The following PRKAR1A variants were observed in gnomAD, a reference collection of about 807,000 sequenced individuals.
PRKAR1A encodes the protein protein kinase cAMP-dependent type I regulatory subunit alpha, also known as cAMP-dependent protein kinase type I-alpha regulatory subunit.
PRKAR1A carries 3 observed loss-of-function variants against 52.0 expected under a neutral mutation model. That is an observed-to-expected ratio of 0.06 (90% CI 0.03 to 0.15). The LOEUF (loss-of-function observed/expected upper bound fraction) is 0.15. Among genes scored for constraint, PRKAR1A ranks in the 10% least tolerant of loss-of-function variants. PRKAR1A has a pLI of 1.00. For synonymous variants in PRKAR1A, 188 were observed against 168.4 expected (o/e 1.12, Z -0.90); for missense variants, 240 against 477.4 (o/e 0.50, Z 4.63).
the PRKAR1A span, among the ~76,000 whole-genome samples, chr17:68,478,568 C>A: frequency 1.3e-5 from 2 of 152,100 alleles, no homozygotes; most frequent in East Asian, 1.9e-4. Context: ...GTTTGTATTG[C>A]GATCTGATTA....
chr17:68,513,001 A>C (rs986650074), intron 1 of PRKAR1A: 3 of 152,274 alleles, frequency 2.0e-5, no homozygotes, highest in Non-Finnish European at 2.9e-5. Context: ...TCCACTTTTG[A>C]CGACTCGTCA....
the PRKAR1A span, among the ~76,000 whole-genome samples, chr17:68,490,447 C>T: frequency 6.6e-6 from 1 of 152,190 alleles, no homozygotes; most frequent in African/African-American, 2.4e-5. Flanking sequence ...TTTCTTAGCC[C>T]TGTCCTCCTA....
chr17:68,462,072 CA>C, the PRKAR1A span, among the ~76,000 whole-genome samples: 1 of 152,140 alleles, frequency 6.6e-6, no homozygotes, highest in Non-Finnish European at 1.5e-5. Flanking sequence ...AGACAGGGAG[CA>C]AAAACTAACA....
chr17:68,427,811 G>A, the PRKAR1A span, among the ~76,000 whole-genome samples: 1 of 152,178 alleles, frequency 6.6e-6, no homozygotes, highest in Non-Finnish European at 1.5e-5. Flanking sequence ...GGTGGGGGGC[G>A]GTGGCAGCTC....
At chr17:68,519,003 AC>A (rs1387598569) in intron 2 of PRKAR1A, among the ~76,000 whole-genome samples, 1 of 152,078 alleles carries the variant, frequency 6.6e-6, no homozygotes, top group Non-Finnish European at 1.5e-5. Context: ...TCCATCTGAG[AC>A]CACCTTAGCC....
chr17:68,473,814 T>A, the PRKAR1A span, among the ~76,000 whole-genome samples: 2 of 152,076 alleles, frequency 1.3e-5, no homozygotes, highest in African/African-American at 2.4e-5. Flanking sequence ...AACCACCGCA[T>A]CTGGCCAACC....
the PRKAR1A span, among the ~76,000 whole-genome samples, chr17:68,494,024 G>A: frequency 6.6e-6 from 1 of 152,162 alleles, no homozygotes; most frequent in Admixed American, 6.5e-5. Context: ...GTTGTGAATA[G>A]TTTCTAGGTG....
chr17:68,474,437 C>T, the PRKAR1A span, among the ~76,000 whole-genome samples: 1 of 152,148 alleles, frequency 6.6e-6, no homozygotes, highest in Non-Finnish European at 1.5e-5. Flanking sequence ...ACTTGTACAG[C>T]AGTGCCCCGG....
downstream of PRKAR1A, chr17:68,536,956 A>G (rs1186359484): frequency 8.8e-6 from 4 of 454,226 alleles, no homozygotes; most frequent in South Asian, 1.6e-5. Context: ...AGTGACTAGA[A>G]TATGAGTAGA....
chr17:68,495,336 G>A, the PRKAR1A span, among the ~76,000 whole-genome samples: 1 of 152,170 alleles, frequency 6.6e-6, no homozygotes, highest in Non-Finnish European at 1.5e-5. Flanking sequence ...CCTGGCCCCA[G>A]GCTTCTTCTA....
chr17:68,486,876 G>A, the PRKAR1A span, among the ~76,000 whole-genome samples: 22 of 131,054 alleles, frequency 1.7e-4, no homozygotes, highest in Admixed American at 2.9e-4. Context: ...GATGTTGTGC[G>A]GATTTTTTTT....
At chr17:68,498,819 C>T in the PRKAR1A span, among the ~76,000 whole-genome samples, 11 of 152,336 alleles carry the variant, frequency 7.2e-5, no homozygotes, top group South Asian at 1.5e-3. Context: ...AGGGGACACA[C>T]TGGCATCCTA....
the PRKAR1A span, among the ~76,000 whole-genome samples, chr17:68,470,123 C>T: frequency 6.6e-6 from 1 of 150,884 alleles, no homozygotes; most frequent in African/African-American, 2.4e-5. Flanking sequence ...CACTCTGTCA[C>T]TCAGGCTGGA....
At chr17:68,418,410 G>T in the PRKAR1A span, among the ~76,000 whole-genome samples, 1 of 152,034 alleles carries the variant, frequency 6.6e-6, no homozygotes, top group Non-Finnish European at 1.5e-5. Flanking sequence ...TGGCAATGAA[G>T]AATAATCAAA....
chr17:68,545,591 T>C (rs1315336225), intron 11 of PRKAR1A, among the ~76,000 whole-genome samples: 3 of 152,146 alleles, frequency 2.0e-5, no homozygotes, highest in Admixed American at 6.5e-5. Flanking sequence ...TTGCTGAAGG[T>C]TGGTGAGGCT....
chr17:68,516,364 T>G (rs2085433605), intron 2 of PRKAR1A, among the ~76,000 whole-genome samples: 2 of 152,156 alleles, frequency 1.3e-5, no homozygotes, highest in South Asian at 4.1e-4. Context: ...TTGAATAGTT[T>G]ATGTGATTCG....
the PRKAR1A span, among the ~76,000 whole-genome samples, chr17:68,454,203 C>A: frequency 1.3e-5 from 2 of 152,230 alleles, no homozygotes; most frequent in Admixed American, 1.3e-4. Context: ...CCTCACCCAG[C>A]TCTTTCCAGC....
At chr17:68,525,709 T>C (rs1369037567) in intron 6 of PRKAR1A, 45 bp from the exon 7 acceptor site, 1 of 1,598,176 alleles carries the variant, frequency 6.3e-7, no homozygotes, top group Admixed American at 1.7e-5. Flanking sequence ...CATTTAAGTG[T>C]TTGTATCTAG....
chr17:68,516,947 T>C (rs920410470), intron 2 of PRKAR1A, among the ~76,000 whole-genome samples: 8 of 152,214 alleles, frequency 5.3e-5, no homozygotes, highest in African/African-American at 1.9e-4. Context: ...TGGACATCAA[T>C]AGAAACCATC....
Sources: allele counts gnomAD v4.1 joint callset (sites outside exome capture counted in the v4.1 genomes callset), GRCh38; gene constraint gnomAD v4.1.1; transcripts MANE v1.5; gene names NCBI Gene and HGNC (gene_info 2026-07-23, HGNC 2026-07-21).